Variants in CADM1 observed in about 807,000 individuals in gnomAD.
The protein encoded by CADM1 is cell adhesion molecule 1.
In CADM1, 15 loss-of-function variants were observed where a neutral mutation model predicts 53.1. That is an observed-to-expected ratio of 0.28 (90% CI 0.19 to 0.44). The LOEUF (loss-of-function observed/expected upper bound fraction) is 0.44, where lower values mean the gene tolerates loss of function less well. Ranked by LOEUF, CADM1 falls within the 20% of genes least tolerant of loss-of-function variation. The pLI is 1.00. For synonymous variants in CADM1, 281 were observed against 243.0 expected (o/e 1.16, Z -1.45); for missense variants, 434 against 611.3 (o/e 0.71, Z 3.06).
chr11:115,442,166 G>A (rs1020297954), intron 1 of CADM1, among the ~76,000 whole-genome samples: 1 of 151,788 alleles, frequency 6.6e-6, no homozygotes, highest in African/African-American at 2.4e-5. Context: ...ACACTAGATG[G>A]ATGGTGACAA....
At chr11:115,349,472 G>A (rs1018053888) in intron 1 of CADM1, among the ~76,000 whole-genome samples, 4 of 152,102 alleles carry the variant, frequency 2.6e-5, no homozygotes, top group African/African-American at 9.7e-5. Context: ...ACAACATAAA[G>A]TAAATCACTG....
intron 1 of CADM1, among the ~76,000 whole-genome samples, chr11:115,350,370 G>C (rs746272788): frequency 5.3e-5 from 8 of 152,200 alleles, no homozygotes; most frequent in Non-Finnish European, 1.0e-4. Flanking sequence ...TGTGAAAATG[G>C]TTCAGTGGAT....
At chr11:115,388,097 C>A (rs1946744617) in intron 1 of CADM1, among the ~76,000 whole-genome samples, 1 of 151,928 alleles carries the variant, frequency 6.6e-6, no homozygotes, top group Non-Finnish European at 1.5e-5. Flanking sequence ...GGGCCCCCAC[C>A]AATTAAATCT....
At chr11:115,208,819 T>C (rs1940816127) in intron 8 of CADM1, among the ~76,000 whole-genome samples, 1 of 152,094 alleles carries the variant, frequency 6.6e-6, no homozygotes, top group Non-Finnish European at 1.5e-5. Context: ...TCAAGCAGTA[T>C]GAGAGAGCCA....
At chr11:115,497,939 T>C (rs1321697133) in intron 1 of CADM1, among the ~76,000 whole-genome samples, 3 of 142,754 alleles carry the variant, frequency 2.1e-5, no homozygotes, top group Admixed American at 7.1e-5. Flanking sequence ...TTCAGATTTA[T>C]AGTCCATATT....
chr11:115,352,691 C>T (rs1370356721), intron 1 of CADM1, among the ~76,000 whole-genome samples: 2 of 152,122 alleles, frequency 1.3e-5, no homozygotes, highest in East Asian at 3.8e-4. Flanking sequence ...CAGCATTGTA[C>T]AGTGATGGGC....
chr11:115,501,797 G>A (rs1327028898), intron 1 of CADM1, among the ~76,000 whole-genome samples: 4 of 152,122 alleles, frequency 2.6e-5, no homozygotes, highest in Non-Finnish European at 4.4e-5. Context: ...CTCTGAGAAA[G>A]CTTAAACAGA....
At chr11:115,248,058 C>T (rs1286600344) in intron 1 of CADM1, among the ~76,000 whole-genome samples, 2 of 152,194 alleles carry the variant, frequency 1.3e-5, no homozygotes, top group Non-Finnish European at 2.9e-5. Context: ...CTACACCATG[C>T]CAAACCAAAG....
chr11:115,324,595 G>C (rs1944912184), intron 1 of CADM1, among the ~76,000 whole-genome samples: 1 of 152,178 alleles, frequency 6.6e-6, no homozygotes, highest in Admixed American at 6.5e-5. Flanking sequence ...AGTGCAGATA[G>C]AACCTTTTCT....
chr11:115,434,321 T>G (rs775598741), intron 1 of CADM1, among the ~76,000 whole-genome samples: 14 of 152,200 alleles, frequency 9.2e-5, no homozygotes, highest in Admixed American at 7.2e-4. Context: ...AATGCTTTAA[T>G]ACTACTTCAC....
intron 10 of CADM1, among the ~76,000 whole-genome samples, chr11:115,185,078 CT>C (rs1939481754): frequency 6.6e-6 from 1 of 152,222 alleles, no homozygotes; most frequent in African/African-American, 2.4e-5. Flanking sequence ...CAATTACGTA[CT>C]TCACAGGGTC....
chr11:115,284,324 G>C (rs893258091), intron 1 of CADM1, among the ~76,000 whole-genome samples: 1 of 151,874 alleles, frequency 6.6e-6, no homozygotes, highest in African/African-American at 2.4e-5. Flanking sequence ...TACTACTGTC[G>C]ATGTTGTCTG....
At chr11:115,277,018 G>A (rs1943464199) in intron 1 of CADM1, among the ~76,000 whole-genome samples, 1 of 152,164 alleles carries the variant, frequency 6.6e-6, no homozygotes. Context: ...TAAATTGCGA[G>A]CCCGAGGGCA....
chr11:115,356,279 G>A (rs1472842035), intron 1 of CADM1, among the ~76,000 whole-genome samples: 1 of 148,572 alleles, frequency 6.7e-6, no homozygotes, highest in Non-Finnish European at 1.5e-5. Flanking sequence ...AATATAATGA[G>A]GACAGTAAGG....
chr11:115,238,157 T>C (rs947889261), intron 3 of CADM1, among the ~76,000 whole-genome samples: 1 of 152,124 alleles, frequency 6.6e-6, no homozygotes, highest in African/African-American at 2.4e-5. Context: ...TGGTAGCCCA[T>C]CTCCCCTTCT....
At chr11:115,284,416 C>T (rs189535563) in intron 1 of CADM1, among the ~76,000 whole-genome samples, 17 of 151,910 alleles carry the variant, frequency 1.1e-4, no homozygotes, top group South Asian at 4.2e-4. Flanking sequence ...ATAATGCTCC[C>T]GGCTTCCATT....
At chr11:115,486,285 A>G (rs1267640645) in intron 1 of CADM1, among the ~76,000 whole-genome samples, 3 of 152,070 alleles carry the variant, frequency 2.0e-5, no homozygotes, top group Admixed American at 2.0e-4. Flanking sequence ...TAAAAAACCA[A>G]CCTGATGTTA....
rs1591573753 is a variant in CADM1, at chr11:115,175,513, A to C, written c.*961T>G. Reference sequence around the variant, plus strand: ...CATTTGGAACAGAAACAACCAGAGCAGAACTGTATTTCCCCCCTCCCTACT... The same window carrying C: ...CATTTGGAACAGAAACAACCAGAGCCGAACTGTATTTCCCCCCTCCCTACT... On this transcript the variant is annotated 3_prime_UTR_variant, in exon 12 of 12. Transcript: ENST00000331581. The C allele has an allele frequency of 1.0e-6, 1 of 985,632 alleles. No individual in the cohort carries two copies. The highest frequency in any genetic ancestry group is 1.7e-5 in the African/African-American group (1 of 57,364). The allele number at this position is 985,632 out of a possible 1,614,324, so 61.1% of individuals were successfully genotyped here.
chr11:115,404,342 AAAAAATATATAT>A (rs1405540326), intron 1 of CADM1, among the ~76,000 whole-genome samples: 1 of 41,518 alleles, frequency 2.4e-5, no homozygotes, highest in Non-Finnish European at 5.6e-5. Context: ...AAAAAAAAAA[AAAAAATATATAT>A]ATATATATAT....
Sources: allele counts gnomAD v4.1 joint callset (sites outside exome capture counted in the v4.1 genomes callset), GRCh38; gene constraint gnomAD v4.1.1; transcripts MANE v1.5; gene names NCBI Gene and HGNC (gene_info 2026-07-23, HGNC 2026-07-21).